CDCP1: variants seen among roughly 807,000 people sequenced by gnomAD.
CDCP1 encodes the protein CUB domain-containing protein 1.
Under a neutral mutation model 60.2 loss-of-function variants are expected in CDCP1, and 29 were observed. That is an observed-to-expected ratio of 0.48 (90% CI 0.36 to 0.66). CDCP1 has a LOEUF of 0.66. Ranked by LOEUF, CDCP1 falls within the 30% of genes least tolerant of loss-of-function variation. CDCP1 has a pLI of 0.00. For missense variants in CDCP1, 876 were observed against 1,074.3 expected, an observed-to-expected ratio of 0.82 and a Z score of 2.58; for synonymous variants, 387 against 431.1, an observed-to-expected ratio of 0.90 and a Z score of 1.27.
chr3:45,108,957 T>A (rs1208875582), intron 4 of CDCP1, among the ~76,000 whole-genome samples: 12 of 73,326 alleles, frequency 1.6e-4, no homozygotes, highest in African/African-American at 2.7e-4. Flanking sequence ...ATATATATTT[T>A]TTTTTTTTTT....
At chr3:45,104,701 G>A (rs1415130181) in intron 4 of CDCP1, among the ~76,000 whole-genome samples, 7 of 152,178 alleles carry the variant, frequency 4.6e-5, no homozygotes, top group Admixed American at 4.6e-4. Context: ...TCTGGACACA[G>A]TTTCCTGCCT....
chr3:45,133,894 G>A (rs1013461175), intron 1 of CDCP1, among the ~76,000 whole-genome samples: 4 of 152,124 alleles, frequency 2.6e-5, no homozygotes, highest in African/African-American at 7.2e-5. Flanking sequence ...CTCCATCTCC[G>A]ATGTCCTCAC....
chr3:45,134,406 G>A (rs35208691), intron 1 of CDCP1, among the ~76,000 whole-genome samples: 15,675 of 152,200 alleles, frequency 0.1, 1,037 homozygotes, highest in Non-Finnish European at 0.15. Context: ...TTACAGGCGC[G>A]GGCCACCGCG....
chr3:45,101,478 C>A (rs73089324), intron 4 of CDCP1, among the ~76,000 whole-genome samples: 11,438 of 152,224 alleles, frequency 0.075, 587 homozygotes, highest in African/African-American at 0.14. Flanking sequence ...GGCCCTGGGA[C>A]TGGCTTCATG....
At chr3:45,105,947 C>T (rs1479227929) in intron 4 of CDCP1, among the ~76,000 whole-genome samples, 2 of 152,172 alleles carry the variant, frequency 1.3e-5, no homozygotes, top group African/African-American at 4.8e-5. Flanking sequence ...GTGGTTTGCA[C>T]ACTGTGGGCA....
At chr3:45,116,424 A>AT (rs200289655) in intron 2 of CDCP1, among the ~76,000 whole-genome samples, 3,355 of 151,732 alleles carry the variant, frequency 0.022, 128 homozygotes, top group African/African-American at 0.076. Flanking sequence ...TAAAAAAAAA[A>AT]AGACATTTAA....
At chr3:45,088,283 A>C (rs1698234280) in intron 8 of CDCP1, among the ~76,000 whole-genome samples, 1 of 151,852 alleles carries the variant, frequency 6.6e-6, no homozygotes, top group Non-Finnish European at 1.5e-5. Flanking sequence ...GGCGTTTAAG[A>C]CCAATCTGGC....
intron 1 of CDCP1, among the ~76,000 whole-genome samples, chr3:45,135,877 A>G (rs1231062743): frequency 2.0e-5 from 3 of 152,222 alleles, no homozygotes; most frequent in Non-Finnish European, 4.4e-5. Context: ...AACATAGGGA[A>G]GAGGGTCTTC....
At chr3:45,100,668 C>CA (rs1698473690) in intron 4 of CDCP1, among the ~76,000 whole-genome samples, 1 of 151,896 alleles carries the variant, frequency 6.6e-6, no homozygotes, top group Non-Finnish European at 1.5e-5. Flanking sequence ...TTTAAAAATA[C>CA]AAAAAAATTG....
chr3:45,111,454 T>A (rs1164831843), intron 3 of CDCP1, among the ~76,000 whole-genome samples: 3 of 152,180 alleles, frequency 2.0e-5, no homozygotes, highest in African/African-American at 7.2e-5. Flanking sequence ...GGCAGGAGGA[T>A]TACCTCAGGT....
At chr3:45,090,331 C>T (rs1056089401) in intron 7 of CDCP1, among the ~76,000 whole-genome samples, 2 of 152,224 alleles carry the variant, frequency 1.3e-5, no homozygotes, top group African/African-American at 4.8e-5. Flanking sequence ...CCTGCATTCC[C>T]TTGCTTGATA....
rs1457697409 is a variant in CDCP1 at position 45,100,563 on chromosome 3, C to G, written c.1025-4995G>C. ...CTGTTGGCTTAGGATTCTGCCCTTT[C>G]ACATCTGCTGGATCAGTTACCACCT... On this transcript the variant is annotated intron_variant, in intron 4 of 8. Coordinates refer to ENST00000296129, the MANE Select transcript of CDCP1 (RefSeq NM_022842.5). Among the ~76,000 whole-genome samples, 3 of 152,188 alleles carry G rather than the reference C, an allele frequency of 2.0e-5. No homozygotes were observed. In the East Asian group the frequency reaches 5.8e-4, roughly 29 times the overall value.
upstream of CDCP1, chr3:45,146,444 G>C (rs535081541): frequency 3.7e-6 from 2 of 543,804 alleles, no homozygotes; most frequent in African/African-American, 4.0e-5. Flanking sequence ...ATCGCGAGCT[G>C]ACCCGGTGCG....
chr3:45,093,410 G>C lies in CDCP1; in HGVS notation c.1494C>G (p.Phe498Leu). Residue 498 changes from phenylalanine (F) to leucine (L), a missense_variant, in exon 6 of 9, where the codon TTC (phenylalanine) becomes TTG (leucine). Phe to Leu is a conservative substitution (Grantham distance 22). This residue lies in a region of CDCP1 where 726 missense variants were observed against 935.7 expected (regional missense o/e 0.78). Coordinates refer to ENST00000296129, the MANE Select transcript of CDCP1 (RefSeq NM_022842.5). ...TCTGCTTGATAGAGCCTCCCGGGCAGAAGGAGCCGAAGTACAGGTCCTGGC... is the reference window on the plus strand; with the variant it reads ...TCTGCTTGATAGAGCCTCCCGGGCACAAGGAGCCGAAGTACAGGTCCTGGC... ...IPSQDLYFGSFCPGGSIKQIQ... is the reference protein window; with the variant it reads ...IPSQDLYFGSLCPGGSIKQIQ... 1 of 1,614,182 alleles carries C rather than the reference G, an allele frequency of 6.2e-7. No homozygotes were observed. Among genetic ancestry groups the C allele is most frequent in the Non-Finnish European group, 8.5e-7 (1 of 1,180,026 alleles).
At chr3:45,124,317 C>T (rs1335414902) in intron 1 of CDCP1, among the ~76,000 whole-genome samples, 1 of 152,172 alleles carries the variant, frequency 6.6e-6, no homozygotes, top group African/African-American at 2.4e-5. Flanking sequence ...TAACTGGCAA[C>T]CCGTCTAAAA....
chr3:45,127,521 T>A (rs1699023667), intron 1 of CDCP1, among the ~76,000 whole-genome samples: 1 of 152,176 alleles, frequency 6.6e-6, no homozygotes, highest in Non-Finnish European at 1.5e-5. Context: ...AGGACTCACT[T>A]CTCTAGACAG....
rs538544195 is a variant in CDCP1, at chr3:45,138,706, G to A, written c.82+7500C>T. Among the ~76,000 whole-genome samples, 9 of 152,062 alleles carry A rather than the reference G, an allele frequency of 5.9e-5. 1 individual carries two copies. The highest frequency in any genetic ancestry group is 9.7e-5 in the African/African-American group (4 of 41,384). ...TCTACTAAAAATACAAAAATTAGCC[G>A]GAGGTGGTGGCAGGCGCCTGTAATC... On this transcript the variant is annotated intron_variant, in intron 1 of 8. Transcript: ENST00000296129.
rs367847834 is a variant in CDCP1, at chr3:45,095,376, C to T, written c.1217G>A (p.Arg406His). 37 of 1,614,070 alleles carry T rather than the reference C, an allele frequency of 2.3e-5. No individual in the cohort carries two copies. The highest frequency in any genetic ancestry group is 2.9e-5 in the Non-Finnish European group (34 of 1,180,038). The change falls in exon 5 of 9, where the codon CGT becomes CAT. Residue 406 changes from arginine to histidine, a missense_variant. Physicochemically the swap from Arg to His is conservative, Grantham distance 29 (BLOSUM62 0). Coordinates refer to ENST00000296129, the MANE Select transcript of CDCP1 (RefSeq NM_022842.5). ...GGTTTTTTCCACATTCATCCACAGA[C>T]GTGTCAGATCATCACAAAGGAAGGA... is the stretch of plus-strand genomic sequence containing the variant. Reference protein sequence around the residue: ...KISFLCDDLTRLWMNVEKTIS... With the variant: ...KISFLCDDLTHLWMNVEKTIS...
chr3:45,140,611 C>T (rs752523943), intron 1 of CDCP1, among the ~76,000 whole-genome samples: 9 of 152,188 alleles, frequency 5.9e-5, no homozygotes, highest in African/African-American at 7.2e-5. Context: ...TGGCAAGTCA[C>T]GTCACCTCTC....
Sources: allele counts gnomAD v4.1 joint callset (sites outside exome capture counted in the v4.1 genomes callset), GRCh38; gene constraint gnomAD v4.1.1; regional missense constraint gnomAD v4.1.1; transcripts MANE v1.5; gene names NCBI Gene and HGNC (gene_info 2026-07-23, HGNC 2026-07-21).